Variants in RP1L1 observed in about 807,000 individuals in gnomAD.
RP1L1 encodes retinitis pigmentosa 1-like 1 protein.
A neutral mutation model predicts 15.7 loss-of-function variants in RP1L1; 27 were observed. The observed-to-expected ratio is 1.72, with a 90% CI of 1.27 to 2.38. The LOEUF is 2.38. RP1L1 is among the 30% of genes most tolerant of loss of function. RP1L1 has a pLI of 0.00. For synonymous variants in RP1L1, 1,813 were observed against 1,276.7 expected (o/e 1.42, Z -8.96); for missense variants, 4,798 against 3,075.9 (o/e 1.56, Z -13.24).
At chr8:10,623,253 G>A (rs759891295) in intron 1 of RP1L1, 33 bp from the exon 2 acceptor site, 2 of 1,482,988 alleles carry the variant, frequency 1.3e-6, no homozygotes, top group African/African-American at 1.4e-5. Context: ...GGGTCAGAGA[G>A]CAGCTTGGGG....
At chr8:10,645,846 C>G (rs1016635947) in intron 1 of RP1L1, among the ~76,000 whole-genome samples, 1 of 151,904 alleles carries the variant, frequency 6.6e-6, no homozygotes, top group African/African-American at 2.4e-5. Flanking sequence ...AACCCTGCAC[C>G]AGGCTCCACA....
At chr8:10,624,658 G>A (rs749647560) in intron 1 of RP1L1, among the ~76,000 whole-genome samples, 4 of 150,234 alleles carry the variant, frequency 2.7e-5, no homozygotes, top group Admixed American at 6.6e-5. Flanking sequence ...GTGGAAGGCC[G>A]GGAGGAGAAG....
chr8:10,607,233 G>C lies in RP1L1; in HGVS notation c.6865C>G (p.His2289Asp). ...CCTGTTTGGGAGCCTGGCCTTTGGT[G>C]GGGAGTGTCTCCACCTGGGGAAGGG... ...PPPSPGGDTP[H>D]QRPGSQTGPS... is the part of the protein sequence containing the mutation. The change falls in exon 4 of 4, where the codon CAC becomes GAC. Residue 2289 changes from histidine to aspartate, a missense_variant. Transcript: ENST00000382483. 5 of 1,614,168 alleles carry C rather than the reference G, an allele frequency of 3.1e-6. No individual in the cohort carries two copies. The highest frequency in any genetic ancestry group is 4.2e-6 in the Non-Finnish European group (5 of 1,179,984).
intron 2 of RP1L1, among the ~76,000 whole-genome samples, chr8:10,618,354 A>G (rs895713555): frequency 2.0e-5 from 3 of 152,006 alleles, no homozygotes; most frequent in African/African-American, 4.8e-5. Context: ...ACAAAGAAAA[A>G]AAAATTACTT....
intron 1 of RP1L1, among the ~76,000 whole-genome samples, chr8:10,634,727 C>T (rs1563136839): frequency 6.6e-6 from 1 of 152,248 alleles, no homozygotes; most frequent in East Asian, 1.9e-4. Context: ...GCTGCTATTC[C>T]TAGCATTTCA....
Position 10,616,507 on chromosome 8 carries a change from C to A in RP1L1, c.690G>T (p.Met230Ile). ...AGHEAFRTPA[M>I]KNARRSEAET... ...CAGCCTCGCTTCTCCTGGCATTTTT[C>A]ATGGCTGGGGTTCTGAAGGCCTCAT... The change falls in exon 3 of 4, where the codon ATG becomes ATT. Residue 230 changes from methionine (M) to isoleucine (I), a missense_variant. Coordinates refer to ENST00000382483, the MANE Select transcript of RP1L1 (RefSeq NM_178857.6). The A allele has an allele frequency of 6.2e-7, 1 of 1,614,234 alleles. No individual in the cohort carries two copies. Among genetic ancestry groups the A allele is most frequent in the Non-Finnish European group, 8.5e-7 (1 of 1,180,044 alleles).
intron 1 of RP1L1, among the ~76,000 whole-genome samples, chr8:10,631,068 T>C (rs936674522): frequency 2.0e-5 from 3 of 152,082 alleles, no homozygotes; most frequent in Non-Finnish European, 2.9e-5. Context: ...TGTTTACGGC[T>C]GCCACAGTTG....
rs376543559 is a variant in RP1L1 at position 10,652,296 on chromosome 8, G to A, written c.-20+2602C>T. On this transcript the variant is annotated intron_variant, in intron 1 of 3. Coordinates refer to ENST00000382483, the MANE Select transcript of RP1L1 (RefSeq NM_178857.6). ...ACTGTAATATGATACACGTCACAGA[G>A]TGGACTCATAGAACTTAGGGCCCCA... Among the ~76,000 whole-genome samples the A allele has an allele frequency of 8.3e-4, 126 of 152,310 alleles. 2 individuals are homozygous for A. The highest frequency in any genetic ancestry group is 2.9e-3 in the African/African-American group (119 of 41,560).
At chr8:10,632,893 C>T (rs1363460146) in intron 1 of RP1L1, among the ~76,000 whole-genome samples, 4 of 152,140 alleles carry the variant, frequency 2.6e-5, no homozygotes, top group African/African-American at 4.8e-5. Context: ...GATGCCCAGC[C>T]CATCCTTCAG....
At chr8:10,624,843 G>A (rs1798131718) in intron 1 of RP1L1, among the ~76,000 whole-genome samples, 1 of 152,348 alleles carries the variant, frequency 6.6e-6, no homozygotes, top group Non-Finnish European at 1.5e-5. Flanking sequence ...GTGGGTTTGA[G>A]TTGGGGTTTC....
chr8:10,641,629 A>G (rs1798409351), intron 1 of RP1L1, among the ~76,000 whole-genome samples: 1 of 152,248 alleles, frequency 6.6e-6, no homozygotes, highest in Non-Finnish European at 1.5e-5. Context: ...GTAATGTAAA[A>G]TGGACCATGT....
Position 10,612,306 on chromosome 8 carries a change from T to G in RP1L1, c.1792A>C (p.Thr598Pro), listed in dbSNP as rs1326000880. 1 of 1,613,244 alleles carries G rather than the reference T, an allele frequency of 6.2e-7. No individual in the cohort carries two copies. The highest frequency in any genetic ancestry group is 1.7e-5 in the Admixed American group (1 of 60,036). The change falls in exon 4 of 4, where the codon ACC becomes CCC. Residue 598 changes from threonine to proline, a missense_variant. Thr to Pro is a conservative substitution (Grantham distance 38). Coordinates refer to ENST00000382483, the MANE Select transcript of RP1L1 (RefSeq NM_178857.6). ...ACAGCCGCTCCCGTGGCCTGCTCGG[T>G]GCCCTGTCCTTGCGTCTCTGCCTGC... ...DLQAETQGQG[T>P]EQATGAAVTR...
intron 2 of RP1L1, among the ~76,000 whole-genome samples, chr8:10,617,546 C>CTTTTTTTT (rs777209714): frequency 9.5e-5 from 6 of 63,418 alleles, no homozygotes; most frequent in Non-Finnish European, 1.4e-4. Context: ...GTTTCTTTTT[C>CTTTTTTTT]TTTTTTTTTT....
intron 1 of RP1L1, among the ~76,000 whole-genome samples, chr8:10,624,714 G>A (rs1363847298): frequency 6.6e-6 from 1 of 152,222 alleles, no homozygotes; most frequent in Non-Finnish European, 1.5e-5. Context: ...TAGAGTCAGG[G>A]TGGAGCAAAG....
chr8:10,652,502 C>A (rs1362507085), intron 1 of RP1L1, among the ~76,000 whole-genome samples: 1 of 152,172 alleles, frequency 6.6e-6, no homozygotes. Context: ...CTGGGTATAA[C>A]CAGCCCCGCA....
In RP1L1 at chr8:10,611,353, C is replaced by G; in HGVS notation, c.2745G>C (p.Gln915His). The change falls in exon 4 of 4, where the codon CAG becomes CAC. Residue 915 changes from glutamine (Q) to histidine (H), a missense_variant. By Grantham distance (24) the Gln-to-His change is conservative. Coordinates refer to ENST00000382483, the MANE Select transcript of RP1L1 (RefSeq NM_178857.6). ...SGASRRSSASQGAGSRGLSEE... is the reference protein window; with the variant it reads ...SGASRRSSASHGAGSRGLSEE... ...CGGACAGCCCCCGAGACCCCGCACC[C>G]TGGCTGGCACTGCTTCTCCTTGATG... 1 of 1,611,386 alleles carries G rather than the reference C, an allele frequency of 6.2e-7. No individual in the cohort carries two copies. The highest frequency in any genetic ancestry group is 1.1e-5 in the South Asian group (1 of 90,988).
At chr8:10,633,048 G>C (rs1470995716) in intron 1 of RP1L1, among the ~76,000 whole-genome samples, 2 of 152,210 alleles carry the variant, frequency 1.3e-5, no homozygotes, top group African/African-American at 4.8e-5. Flanking sequence ...GTTTATGGAA[G>C]AGACATGGGC....
chr8:10,632,340 G>C (rs1798265411), intron 1 of RP1L1, among the ~76,000 whole-genome samples: 2 of 152,178 alleles, frequency 1.3e-5, no homozygotes, highest in South Asian at 2.1e-4. Flanking sequence ...TTCTCCTCTG[G>C]AAATGGAGGC....
intron 1 of RP1L1, among the ~76,000 whole-genome samples, chr8:10,651,291 G>C (rs7821092): frequency 0.53 from 81,309 of 152,056 alleles, 22,349 homozygotes; most frequent in Non-Finnish European, 0.58. Context: ...CCAGGTGATT[G>C]TGCTCACACA....
Sources: gnomAD v4.1 joint callset for allele counts (sites outside exome capture counted in the v4.1 genomes callset) on GRCh38, gnomAD v4.1.1 for gene constraint, MANE v1.5 for transcripts, NCBI Gene and HGNC (gene_info 2026-07-23, HGNC 2026-07-21) for gene names.